HECW1: variants seen among roughly 807,000 people sequenced by gnomAD.
HECW1 encodes the protein HECT, C2 and WW domain containing E3 ubiquitin protein ligase 1.
In HECW1, 61 loss-of-function variants were observed where a neutral mutation model predicts 182.3. The observed-to-expected ratio is 0.33, with a 90% CI of 0.27 to 0.41. The LOEUF (loss-of-function observed/expected upper bound fraction) is 0.41. HECW1 is among the 10% of genes least tolerant of loss of function. HECW1 has a pLI of 1.00. For synonymous variants in HECW1, 859 were observed against 832.6 expected (o/e 1.03, Z -0.55); for missense variants, 1,739 against 2,108.9 (o/e 0.82, Z 3.44).
At position 43,360,926 on chromosome 7, in the gene HECW1, T is replaced by C. The variant is rs760588791; in HGVS notation, c.501T>C (p.Ser167=). ...KICFKYYHGV[S]GALRATTPSV... is the part of the protein sequence containing the mutation. ...GCTTCAAATACTACCATGGAGTGAGTGGGGCCCTGCGAGCAACCACCCCCA... is the reference window on the plus strand; with the variant it reads ...GCTTCAAATACTACCATGGAGTGAGCGGGGCCCTGCGAGCAACCACCCCCA... The change falls in exon 6 of 30, where the codon AGT becomes AGC. Residue 167 remains serine (S), a synonymous_variant. Coordinates refer to ENST00000395891, the MANE Select transcript of HECW1 (RefSeq NM_015052.5). The C allele has an allele frequency of 1.2e-6, 2 of 1,613,864 alleles. No homozygotes were observed.
intron 6 of HECW1, among the ~76,000 whole-genome samples, chr7:43,368,671 T>C (rs2152817987): frequency 6.6e-6 from 1 of 152,294 alleles, no homozygotes; most frequent in Non-Finnish European, 1.5e-5. Flanking sequence ...AGGAATCTGT[T>C]CAGTTTGAGG....
chr7:43,232,463 A>ATTTCAC (rs1797969656), intron 2 of HECW1, among the ~76,000 whole-genome samples: 1 of 152,220 alleles, frequency 6.6e-6, no homozygotes, highest in Non-Finnish European at 1.5e-5. Context: ...AAATACCCAT[A>ATTTCAC]CAATCTCAGT....
At chr7:43,400,921 T>C (rs1205796216) in intron 7 of HECW1, among the ~76,000 whole-genome samples, 1 of 152,188 alleles carries the variant, frequency 6.6e-6, no homozygotes, top group Non-Finnish European at 1.5e-5. Flanking sequence ...GCCAGCATTC[T>C]TTGGCTCATG....
At chr7:43,240,716 G>A (rs1000962051) in intron 2 of HECW1, among the ~76,000 whole-genome samples, 9 of 152,224 alleles carry the variant, frequency 5.9e-5, no homozygotes, top group South Asian at 2.1e-4. Context: ...GCCAGTCAGC[G>A]TTGATGAGTA....
chr7:43,392,223 A>G (rs1429698776), intron 6 of HECW1, among the ~76,000 whole-genome samples: 1 of 152,238 alleles, frequency 6.6e-6, no homozygotes, highest in African/African-American at 2.4e-5. Context: ...TAATTGTTCT[A>G]TAACTAAAAC....
intron 3 of HECW1, among the ~76,000 whole-genome samples, chr7:43,302,263 A>T (rs747961363): frequency 2.6e-5 from 4 of 152,126 alleles, no homozygotes; most frequent in Non-Finnish European, 4.4e-5. Context: ...CAGGCCATGG[A>T]TGAGGCAGCT....
intron 17 of HECW1, among the ~76,000 whole-genome samples, chr7:43,488,485 A>T (rs569661814): frequency 1.4e-5 from 2 of 148,046 alleles, no homozygotes; most frequent in East Asian, 3.9e-4. Context: ...AGAAAGAAAG[A>T]AAGAGAAAGA....
intron 4 of HECW1, among the ~76,000 whole-genome samples, chr7:43,314,628 A>G (rs746849469): frequency 6.6e-6 from 1 of 152,248 alleles, no homozygotes; most frequent in Non-Finnish European, 1.5e-5. Context: ...ACCACAACTT[A>G]TCATCCTAGA....
intron 26 of HECW1, among the ~76,000 whole-genome samples, chr7:43,543,987 A>G (rs1048342761): frequency 1.3e-5 from 2 of 152,174 alleles, no homozygotes; most frequent in Non-Finnish European, 2.9e-5. Flanking sequence ...GCCATCTGTA[A>G]AAGTTTTAAG....
At chr7:43,312,913 C>CA (rs1808711945) in intron 4 of HECW1, among the ~76,000 whole-genome samples, 1 of 152,252 alleles carries the variant, frequency 6.6e-6, no homozygotes, top group Non-Finnish European at 1.5e-5. Context: ...TCAACAGATT[C>CA]AACACCGGGT....
chr7:43,465,699 A>G (rs1403996156), intron 14 of HECW1, among the ~76,000 whole-genome samples: 2 of 152,066 alleles, frequency 1.3e-5, no homozygotes, highest in Admixed American at 1.3e-4. Flanking sequence ...CAAACAATCT[A>G]TCACAGCTGT....
intron 2 of HECW1, among the ~76,000 whole-genome samples, chr7:43,149,069 A>T (rs745975052): frequency 6.6e-6 from 1 of 152,166 alleles, no homozygotes; most frequent in African/African-American, 2.4e-5. Context: ...TGGCAAATAA[A>T]ATCCACAGAT....
intron 5 of HECW1, among the ~76,000 whole-genome samples, chr7:43,357,514 G>A (rs1223574424): frequency 6.6e-6 from 1 of 152,094 alleles, no homozygotes; most frequent in African/African-American, 2.4e-5. Context: ...CTAACAAAGT[G>A]GATCTCATGG....
At chr7:43,152,437 T>G (rs910941133) in intron 2 of HECW1, among the ~76,000 whole-genome samples, 1 of 152,186 alleles carries the variant, frequency 6.6e-6, no homozygotes, top group Admixed American at 6.5e-5. Context: ...GAACTAAAGT[T>G]TCAAATGGTT....
At chr7:43,393,544 G>A (rs1023255836) in intron 6 of HECW1, among the ~76,000 whole-genome samples, 6 of 152,194 alleles carry the variant, frequency 3.9e-5, no homozygotes, top group Middle Eastern at 3.2e-3. Context: ...TATCATCAGT[G>A]TGGTGCTTAG....
At chr7:43,191,438 C>T (rs1443066326) in intron 2 of HECW1, among the ~76,000 whole-genome samples, 1 of 152,218 alleles carries the variant, frequency 6.6e-6, no homozygotes, top group Non-Finnish European at 1.5e-5. Context: ...TGGGGACATG[C>T]GAGGTGTCAC....
intron 2 of HECW1, among the ~76,000 whole-genome samples, chr7:43,193,047 G>A (rs1172445986): frequency 6.6e-6 from 1 of 152,188 alleles, no homozygotes; most frequent in Non-Finnish European, 1.5e-5. Flanking sequence ...GAAAGGGAAT[G>A]GGAATTCTGG....
At position 43,127,383 on chromosome 7, in the gene HECW1, T is replaced by C. The variant is rs199672684; in HGVS notation, c.-32+12992T>C. Among the ~76,000 whole-genome samples, 11 of 151,496 alleles carry C rather than the reference T, an allele frequency of 7.3e-5. No homozygotes were observed. The East Asian group carries it at 1.9e-3, about 27-fold the overall frequency. ...TACTAAAAATACAAAATTAGCCAGGTGTGGTGGCGCATGCCTGTAATCCCA... is the reference window on the plus strand; with the variant it reads ...TACTAAAAATACAAAATTAGCCAGGCGTGGTGGCGCATGCCTGTAATCCCA... On this transcript the variant is annotated intron_variant, in intron 2 of 29. Transcript: ENST00000395891.
chr7:43,120,666 C>T (rs1306772302), intron 2 of HECW1, among the ~76,000 whole-genome samples: 1 of 151,998 alleles, frequency 6.6e-6, no homozygotes, highest in Non-Finnish European at 1.5e-5. Flanking sequence ...TTTTTTGAGA[C>T]AGGGTTTCAC....
Sources: allele counts gnomAD v4.1 joint callset (sites outside exome capture counted in the v4.1 genomes callset), GRCh38; gene constraint gnomAD v4.1.1; transcripts MANE v1.5; gene names NCBI Gene and HGNC (gene_info 2026-07-23, HGNC 2026-07-21).